The following FTO variants were observed in gnomAD, a reference collection of about 807,000 sequenced individuals.
FTO encodes alpha-ketoglutarate-dependent dioxygenase FTO.
FTO carries 47 observed loss-of-function variants against 63.9 expected under a neutral mutation model. The ratio of observed to expected loss-of-function variants is 0.74; its 90% CI spans 0.58 to 0.94. The LOEUF is 0.94. FTO is among the 40% of genes least tolerant of loss of function. The pLI is 0.00. For missense variants in FTO, 562 were observed against 618.1 expected, an observed-to-expected ratio of 0.91 and a Z score of 0.96; for synonymous variants, 207 against 224.4, an observed-to-expected ratio of 0.92 and a Z score of 0.69.
At chr16:53,715,956 T>C (rs1185846470) in intron 1 of FTO, among the ~76,000 whole-genome samples, 1 of 152,182 alleles carries the variant, frequency 6.6e-6, no homozygotes, top group Non-Finnish European at 1.5e-5. Flanking sequence ...GTGTAAGATA[T>C]AATCTTTGCT....
Position 54,099,424 on chromosome 16 carries a change from TG to T in FTO, c.1365-12337del, listed in dbSNP as rs749984175. Among the ~76,000 whole-genome samples the T allele has an allele frequency of 9.6e-4, 147 of 152,332 alleles. 1 individual carries two copies. The highest frequency in any genetic ancestry group is 1.4e-3 in the Non-Finnish European group (94 of 68,028). On this transcript the variant is annotated intron_variant, in intron 8 of 8. Coordinates refer to ENST00000471389, the MANE Select transcript of FTO (RefSeq NM_001080432.3). ...TCTGCAGTGGTTCCATAGCATTGTGTGCTGGGGAACCCAACCCGGCCTCTCT... is the reference window on the plus strand; with the variant it reads ...TCTGCAGTGGTTCCATAGCATTGTGTCTGGGGAACCCAACCCGGCCTCTCT...
At chr16:53,798,659 G>A (rs980083299) in intron 1 of FTO, among the ~76,000 whole-genome samples, 1 of 152,114 alleles carries the variant, frequency 6.6e-6, no homozygotes, top group Admixed American at 6.5e-5. Flanking sequence ...TGCAAATTCT[G>A]TAGAATTTTC....
intron 1 of FTO, among the ~76,000 whole-genome samples, chr16:53,744,834 C>CCT (rs1555626785): frequency 0.024 from 3,672 of 150,888 alleles, 58 homozygotes; most frequent in Middle Eastern, 0.095. Flanking sequence ...TTCCCCCCCC[C>CCT]CATATATGAA....
chr16:53,842,137 A>G (rs1338655741), intron 3 of FTO, among the ~76,000 whole-genome samples: 1 of 152,214 alleles, frequency 6.6e-6, no homozygotes, highest in African/African-American at 2.4e-5. Flanking sequence ...GTGTTCATTG[A>G]ATGCCTTCTC....
chr16:53,718,715 C>T (rs1432644151), intron 1 of FTO, among the ~76,000 whole-genome samples: 1 of 151,956 alleles, frequency 6.6e-6, no homozygotes, highest in Non-Finnish European at 1.5e-5. Flanking sequence ...TTTTGGACAT[C>T]TCTTTAGATG....
At chr16:54,105,080 T>C (rs1377910831) in intron 8 of FTO, among the ~76,000 whole-genome samples, 1 of 152,210 alleles carries the variant, frequency 6.6e-6, no homozygotes, top group Non-Finnish European at 1.5e-5. Flanking sequence ...TTCATTGTAA[T>C]AGTTGAGGAA....
At chr16:53,924,217 A>G (rs2082081986) in intron 7 of FTO, among the ~76,000 whole-genome samples, 2 of 152,150 alleles carry the variant, frequency 1.3e-5, no homozygotes, top group Non-Finnish European at 2.9e-5. Context: ...GGATTATTTC[A>G]TTTACTCTTC....
intron 8 of FTO, chr16:53,992,893 A>G (rs1228705820): frequency 6.6e-6 from 1 of 152,206 alleles, no homozygotes; most frequent in Non-Finnish European, 1.5e-5. Flanking sequence ...ATAAGGAAGG[A>G]CACAAAAAGA....
chr16:53,779,313 TG>T (rs1452753082), intron 1 of FTO, among the ~76,000 whole-genome samples: 1 of 152,166 alleles, frequency 6.6e-6, no homozygotes, highest in Non-Finnish European at 1.5e-5. Flanking sequence ...CTCAAGAGTT[TG>T]TCTTTTCTAT....
At chr16:53,993,371 A>G (rs2083858546) in intron 8 of FTO, 1 of 152,158 alleles carries the variant, frequency 6.6e-6, no homozygotes, top group Non-Finnish European at 1.5e-5. Flanking sequence ...TATCCCTTTT[A>G]TGGTTGACTG....
chr16:53,827,214 C>A (rs764884725), intron 3 of FTO, among the ~76,000 whole-genome samples: 1 of 152,162 alleles, frequency 6.6e-6, no homozygotes, highest in Non-Finnish European at 1.5e-5. Flanking sequence ...CTCTTAGTAG[C>A]CCACCCACAT....
chr16:53,976,636 T>A (rs944581728), intron 8 of FTO, among the ~76,000 whole-genome samples: 1 of 152,206 alleles, frequency 6.6e-6, no homozygotes, highest in Non-Finnish European at 1.5e-5. Flanking sequence ...CATTTTAATA[T>A]AAATGCATTG....
chr16:53,738,953 A>G lies in FTO; in HGVS notation c.45+34724A>G, dbSNP rs572765648. Among the ~76,000 whole-genome samples, 28 of 151,686 alleles carry G rather than the reference A, an allele frequency of 1.8e-4. No individual in the cohort carries two copies. The South Asian group carries it at 5.8e-3, about 32-fold the overall frequency. ...CCTCCGGGGCTCAAGCAGTCTTTCC[A>G]CCTCAGCCTCCTGAGTAGCTGTAAC... On this transcript the variant is annotated intron_variant, in intron 1 of 8. Coordinates refer to ENST00000471389, the MANE Select transcript of FTO (RefSeq NM_001080432.3).
intron 8 of FTO, among the ~76,000 whole-genome samples, chr16:54,048,126 T>TAAAAAAAAAAAAAA (rs71380060): frequency 3.5e-5 from 2 of 56,470 alleles, no homozygotes; most frequent in African/African-American, 1.1e-4. Context: ...AAAAAAAAAT[T>TAAAAAAAAAAAAAA]AAAAAAAAAA....
intron 8 of FTO, among the ~76,000 whole-genome samples, chr16:54,035,441 A>ATAG (rs2144240839): frequency 6.6e-6 from 1 of 152,342 alleles, no homozygotes; most frequent in South Asian, 2.1e-4. Context: ...TTTTAGTCAG[A>ATAG]CACTGGATAG....
chr16:53,758,464 T>A (rs1043744928), intron 1 of FTO, among the ~76,000 whole-genome samples: 93 of 152,320 alleles, frequency 6.1e-4, no homozygotes, highest in African/African-American at 2.0e-3. Flanking sequence ...GGATTCCTCT[T>A]CAGGGAAGCT....
chr16:53,771,007 T>G (rs1332202067), intron 1 of FTO, among the ~76,000 whole-genome samples: 1 of 152,168 alleles, frequency 6.6e-6, no homozygotes. Context: ...GGAATTTGAT[T>G]TGTTAATTAC....
rs1370777974 is a variant in FTO at position 53,716,876 on chromosome 16, GTTA to G, written c.45+12652_45+12654del. On this transcript the variant is annotated intron_variant, in intron 1 of 8. Coordinates refer to ENST00000471389, the MANE Select transcript of FTO (RefSeq NM_001080432.3). Reference sequence around the variant, plus strand: ...ATATTAGTGTATTGCTTAGAATATTGTTATTATGCTTATATATAATATATACAG... The same window carrying G: ...ATATTAGTGTATTGCTTAGAATATTGTTATGCTTATATATAATATATACAG... 4.7e-5 allele frequency among the ~76,000 whole-genome samples: 7 copies of G among 150,366 alleles called. No individual in the cohort carries two copies. In the East Asian group the frequency reaches 5.8e-4, roughly 12 times the overall value.
chr16:53,972,781 T>G lies in FTO; in HGVS notation c.1364+38672T>G, dbSNP rs150315944. On this transcript the variant is annotated intron_variant, in intron 8 of 8. Transcript: ENST00000471389. The stretch of plus-strand genomic sequence containing the variant: ...TGTTCTTAGGAAGAAAATGCAAACT[T>G]TTAGGAAGGAGAAATCTCACTCTTC... Among the ~76,000 whole-genome samples, 4 of 152,218 alleles carry G rather than the reference T, an allele frequency of 2.6e-5. No individual in the cohort carries two copies. The East Asian group carries it at 7.7e-4, about 29-fold the overall frequency.
Sources: allele counts gnomAD v4.1 joint callset (sites outside exome capture counted in the v4.1 genomes callset), GRCh38; gene constraint gnomAD v4.1.1; transcripts MANE v1.5; gene names NCBI Gene and HGNC (gene_info 2026-07-23, HGNC 2026-07-21).